Variants in PTPRN2 observed in about 807,000 individuals in gnomAD.
The protein encoded by PTPRN2 is protein tyrosine phosphatase receptor type N2.
A neutral mutation model predicts 118.8 loss-of-function variants in PTPRN2; 74 were observed. The observed-to-expected ratio is 0.62, with a 90% confidence interval of 0.52 to 0.76. The LOEUF (loss-of-function observed/expected upper bound fraction) is 0.76. PTPRN2 is among the 30% of genes least tolerant of loss of function. PTPRN2 has a pLI of 0.00. For missense variants in PTPRN2, 1,481 were observed against 1,394.4 expected (o/e 1.06, Z -0.99); for synonymous variants, 641 against 608.0 (o/e 1.05, Z -0.80).
rs890581095 is a variant in PTPRN2, at chr7:157,674,927, C to T, written c.2001+7798G>A. On this transcript the variant is annotated intron_variant, in intron 13 of 22. Transcript: ENST00000389418. This position sits in a 1 kb window ranked among gnomAD's most constrained non-coding sequence, Gnocchi z 4.5. Reference sequence around the variant, plus strand: ...CTTGCCAACAACGATGCCCTCCTCCCGAGGGACGGTGGCCCCAAGGGGAGC... The same window carrying T: ...CTTGCCAACAACGATGCCCTCCTCCTGAGGGACGGTGGCCCCAAGGGGAGC... Among the ~76,000 whole-genome samples the T allele has an allele frequency of 3.3e-5, 5 of 152,160 alleles. No individual in the cohort carries two copies. Among genetic ancestry groups the T allele is most frequent in the Admixed American group, 6.5e-5 (1 of 15,286 alleles).
intron 3 of PTPRN2, among the ~76,000 whole-genome samples, chr7:158,294,038 C>T (rs149565188): frequency 5.9e-5 from 9 of 152,310 alleles, no homozygotes; most frequent in South Asian, 2.1e-4. Context: ...ACACATGTAC[C>T]GTGCACAGCT....
intron 21 of PTPRN2, among the ~76,000 whole-genome samples, chr7:157,552,104 C>T (rs1798662146): frequency 6.9e-6 from 1 of 144,586 alleles, no homozygotes; most frequent in Admixed American, 6.9e-5. Context: ...CACTCTATGG[C>T]CACTGCACAC....
At chr7:158,297,088 G>A (rs1563101217) in intron 3 of PTPRN2, among the ~76,000 whole-genome samples, 1 of 152,206 alleles carries the variant, frequency 6.6e-6, no homozygotes. Flanking sequence ...TTCTGAAGCG[G>A]TAACGGTGAA....
intron 2 of PTPRN2, among the ~76,000 whole-genome samples, chr7:158,411,528 C>T (rs780630466): frequency 3.9e-5 from 6 of 152,176 alleles, no homozygotes; most frequent in African/African-American, 1.4e-4. Flanking sequence ...GTCCTGCTGT[C>T]GTCCCGGGAA....
chr7:158,034,697 T>G (rs2128884829), intron 11 of PTPRN2, among the ~76,000 whole-genome samples: 1 of 152,320 alleles, frequency 6.6e-6, no homozygotes, highest in East Asian at 1.9e-4. Context: ...GATCTGGAAA[T>G]CAGGGCAGGT....
At chr7:158,053,222 C>T (rs916688779) in intron 11 of PTPRN2, among the ~76,000 whole-genome samples, 3 of 152,158 alleles carry the variant, frequency 2.0e-5, no homozygotes, top group African/African-American at 7.2e-5. Flanking sequence ...CATGGTTGGG[C>T]CATCTGCAGC....
rs1563068277 is a variant in PTPRN2 at position 158,270,884 on chromosome 7, ATGACCCCCT to A, written c.277+45926_277+45934del. On this transcript the variant is annotated intron_variant, in intron 3 of 22. Transcript: ENST00000389418. ...CACCTGGACCGCCCCCTCCACCTGGATGACCCCCTCCACCTGGACCACCCCCCCCACCTG... is the reference window on the plus strand; with the variant it reads ...CACCTGGACCGCCCCCTCCACCTGGACCACCTGGACCACCCCCCCCACCTG... 2.2e-3 allele frequency among the ~76,000 whole-genome samples: 45 copies of A among 20,322 alleles called. 2 individuals carry two copies. The highest frequency in any genetic ancestry group is 4.1e-3 in the Admixed American group (6 of 1,456). 13.3% of individuals were successfully genotyped at this position (20,322 alleles called of 152,430 possible).
chr7:158,067,508 A>G (rs1810860359), intron 11 of PTPRN2, among the ~76,000 whole-genome samples: 1 of 151,888 alleles, frequency 6.6e-6, no homozygotes, highest in East Asian at 1.9e-4. Context: ...GTGGGGCCCA[A>G]GAGTCTGCGT....
rs148856752 is a variant in PTPRN2, at chr7:157,598,842, C to T, written c.2419-3527G>A. On this transcript the variant is annotated intron_variant, in intron 16 of 22. Coordinates refer to ENST00000389418, the MANE Select transcript of PTPRN2 (RefSeq NM_002847.5). This position sits in a 1 kb window ranked among gnomAD's most constrained non-coding sequence, Gnocchi z 5.2. ...TGTGCGGGGCCAAGCATCTGAATGG[C>T]GAGGTGCGGTCATTTCTGAGCGCTT... Among the ~76,000 whole-genome samples, 468 of 152,204 alleles carry T rather than the reference C, an allele frequency of 3.1e-3. 6 individuals carry two copies. The highest frequency in any genetic ancestry group is 0.01 in the African/African-American group (436 of 41,526).
intron 3 of PTPRN2, among the ~76,000 whole-genome samples, chr7:158,220,075 A>G (rs562261491): frequency 6.6e-6 from 1 of 152,268 alleles, no homozygotes; most frequent in African/African-American, 2.4e-5. Flanking sequence ...ATCTTAATAG[A>G]TACAGGAAGG....
intron 11 of PTPRN2, among the ~76,000 whole-genome samples, chr7:157,933,346 A>C (rs1207553204): frequency 7.0e-6 from 1 of 142,444 alleles, no homozygotes; most frequent in Non-Finnish European, 1.5e-5. Flanking sequence ...GTTTTAGAGG[A>C]GGGGTGAGTC....
At chr7:157,574,376 C>A (rs1799909156) in intron 19 of PTPRN2, 1 of 533,742 alleles carries the variant, frequency 1.9e-6, no homozygotes, top group African/African-American at 1.9e-5. Flanking sequence ...TGCAACTGGG[C>A]TCATATTACT....
At chr7:158,013,357 C>T (rs1382737379) in intron 11 of PTPRN2, among the ~76,000 whole-genome samples, 4 of 152,166 alleles carry the variant, frequency 2.6e-5, no homozygotes, top group Non-Finnish European at 5.9e-5. Context: ...AACCATTCAT[C>T]TATATATCCA....
intron 12 of PTPRN2, among the ~76,000 whole-genome samples, chr7:157,841,976 T>C (rs1808456158): frequency 1.3e-5 from 2 of 152,164 alleles, no homozygotes; most frequent in South Asian, 4.1e-4. Context: ...GTCAAGCTAA[T>C]ACTTTAAGGA....
intron 11 of PTPRN2, among the ~76,000 whole-genome samples, chr7:158,067,077 A>G (rs569280939): frequency 6.6e-6 from 1 of 152,342 alleles, no homozygotes; most frequent in South Asian, 2.1e-4. Flanking sequence ...CTGGCACCTA[A>G]GCAGCCTGCT....
intron 5 of PTPRN2, among the ~76,000 whole-genome samples, chr7:158,171,036 T>C (rs1357124643): frequency 2.8e-5 from 4 of 142,202 alleles, no homozygotes; most frequent in Admixed American, 7.0e-5. Flanking sequence ...CACATATATA[T>C]ACACATACAT....
chr7:158,236,428 G>T (rs553354577), intron 3 of PTPRN2, among the ~76,000 whole-genome samples: 1 of 152,146 alleles, frequency 6.6e-6, no homozygotes, highest in Non-Finnish European at 1.5e-5. Flanking sequence ...CCAGACAAAC[G>T]TTGAGGGGTG....
rs535692329 is a variant in PTPRN2, at chr7:157,828,416, C to T, written c.1788+70257G>A. 4.6e-5 allele frequency among the ~76,000 whole-genome samples: 7 copies of T among 152,320 alleles called. No individual in the cohort carries two copies. In the East Asian group the frequency reaches 7.7e-4, roughly 17 times the overall value. Reference sequence around the variant, plus strand: ...ACTTGCCCCCACTTCCGCAAGCCCTCGGCACCCACAGCTGTGCCCCTCGGG... The same window carrying T: ...ACTTGCCCCCACTTCCGCAAGCCCTTGGCACCCACAGCTGTGCCCCTCGGG... On this transcript the variant is annotated intron_variant, in intron 12 of 22. Coordinates refer to ENST00000389418, the MANE Select transcript of PTPRN2 (RefSeq NM_002847.5).
chr7:158,212,555 G>T (rs1827681302), intron 3 of PTPRN2, among the ~76,000 whole-genome samples: 1 of 152,086 alleles, frequency 6.6e-6, no homozygotes, highest in South Asian at 2.1e-4. Flanking sequence ...TAGACTTAAT[G>T]GGTGCTGACT....
Sources: gnomAD v4.1 joint callset for allele counts (sites outside exome capture counted in the v4.1 genomes callset) on GRCh38, gnomAD v4.1.1 for gene constraint, Gnocchi (gnomAD v3.1) non-coding constraint, MANE v1.5 for transcripts, NCBI Gene and HGNC (gene_info 2026-07-23, HGNC 2026-07-21) for gene names.